DCAF1: variants seen among roughly 807,000 people sequenced by gnomAD.
DCAF1 encodes DDB1- and CUL4-associated factor 1.
A neutral mutation model predicts 128.0 loss-of-function variants in DCAF1; 15 were observed. The observed-to-expected ratio is 0.12, with a 90% CI of 0.08 to 0.18. The LOEUF (loss-of-function observed/expected upper bound fraction) is 0.18. DCAF1 is among the 10% of genes least tolerant of loss of function. The probability of loss-of-function intolerance (pLI) is 1.00; values close to 1 mark genes in which losing one functional copy is unlikely to be tolerated. For synonymous variants in DCAF1, 610 were observed against 603.0 expected (o/e 1.01, Z -0.17); for missense variants, 988 against 1,649.5 (o/e 0.60, Z 6.95).
intron 3 of DCAF1, 84 bp downstream of exon 3, chr3:51,483,635 G>GTT: frequency 1.2e-6 from 1 of 854,338 alleles, no homozygotes; most frequent in Non-Finnish European, 2.0e-6. Context: ...GTGTGTGTGT[G>GTT]TGTGTGTGTG....
intron 7 of DCAF1, among the ~76,000 whole-genome samples, chr3:51,442,903 T>C (rs1287590283): frequency 6.6e-6 from 1 of 152,056 alleles, no homozygotes; most frequent in Non-Finnish European, 1.5e-5. Flanking sequence ...AGGGGAACAA[T>C]ACACACTGGG....
intron 22 of DCAF1, among the ~76,000 whole-genome samples, 167 bp downstream of exon 22, chr3:51,412,826 T>C (rs1373893681): frequency 9.2e-5 from 14 of 152,218 alleles, no homozygotes; most frequent in Non-Finnish European, 2.9e-5. Context: ...TATTTCTCTT[T>C]GTACTGTACA....
chr3:51,486,223 C>T (rs1706943770), intron 2 of DCAF1, among the ~76,000 whole-genome samples: 1 of 143,422 alleles, frequency 7.0e-6, no homozygotes, highest in Non-Finnish European at 1.5e-5. Context: ...TTAAGGATCT[C>T]ACTCTGCCTC....
intron 23 of DCAF1, among the ~76,000 whole-genome samples, chr3:51,406,688 T>A (rs2090138573): frequency 6.6e-6 from 1 of 152,092 alleles, no homozygotes. Context: ...CCCCTCTACA[T>A]CTAAACCTGG....
chr3:51,494,744 G>A lies in DCAF1; in HGVS notation c.-9+1990C>T, dbSNP rs117808066. 2.3e-3 allele frequency among the ~76,000 whole-genome samples: 352 copies of A among 152,026 alleles called. 3 individuals are homozygous for A. The East Asian group carries it at 0.029, about 13-fold the overall frequency. ...TTTTTAATTTTTATTATTTTGTAGAGACAGGGTCTCACTATGTTACCCAGG... is the reference window on the plus strand; with the variant it reads ...TTTTTAATTTTTATTATTTTGTAGAAACAGGGTCTCACTATGTTACCCAGG... On this transcript the variant is annotated intron_variant, in intron 2 of 24. Coordinates refer to ENST00000684031, the MANE Select transcript of DCAF1 (RefSeq NM_001387579.1).
chr3:51,427,064 A>C (rs1180421483), intron 13 of DCAF1, among the ~76,000 whole-genome samples: 1 of 152,258 alleles, frequency 6.6e-6, no homozygotes, highest in Non-Finnish European at 1.5e-5. Flanking sequence ...CCTGGACTCC[A>C]GGCTCAAGAC....
intron 16 of DCAF1, among the ~76,000 whole-genome samples, chr3:51,418,464 G>GAAAATGAGAAGATGTC (rs1250336220): frequency 1.3e-5 from 2 of 152,154 alleles, no homozygotes; most frequent in African/African-American, 4.8e-5. Context: ...AGGGAGGGGG[G>GAAAATGAGAAGATGTC]AAAATGAGAA....
intron 6 of DCAF1, 110 bp from the exon 7 acceptor site, chr3:51,444,013 T>C (rs1388496851): frequency 5.0e-5 from 53 of 1,063,460 alleles, no homozygotes; most frequent in Non-Finnish European, 6.7e-5. Flanking sequence ...TCAATGTTCG[T>C]AAGAGTAAAA....
intron 9 of DCAF1, among the ~76,000 whole-genome samples, chr3:51,434,725 C>T (rs1243941790): frequency 2.0e-5 from 3 of 152,282 alleles, no homozygotes; most frequent in Non-Finnish European, 4.4e-5. Context: ...GAACTAACCA[C>T]GTGCATTTTA....
At chr3:51,439,620 A>G (rs1435474936) in intron 9 of DCAF1, among the ~76,000 whole-genome samples, 2 of 151,604 alleles carry the variant, frequency 1.3e-5, no homozygotes, top group African/African-American at 4.9e-5. Context: ...TCTGTCTGCT[A>G]TTTCATTACT....
At chr3:51,440,185 G>A (rs782026853) in intron 9 of DCAF1, 5 of 507,696 alleles carry the variant, frequency 9.8e-6, no homozygotes, top group East Asian at 1.2e-4. Context: ...GAGATAGTAA[G>A]CCTCCTCTCT....
intron 6 of DCAF1, among the ~76,000 whole-genome samples, chr3:51,454,943 G>C (rs1702744074): frequency 6.6e-6 from 1 of 152,170 alleles, no homozygotes; most frequent in Non-Finnish European, 1.5e-5. Context: ...AAAGTGCTGG[G>C]GTTACAGGTG....
At chr3:51,444,224 G>C (rs1346021234) in intron 6 of DCAF1, among the ~76,000 whole-genome samples, 1 of 151,950 alleles carries the variant, frequency 6.6e-6, no homozygotes, top group Admixed American at 6.6e-5. Context: ...ACTCCCAAAA[G>C]GCTCCATGAT....
At chr3:51,422,491 CAGAG>C (rs550026619) in intron 13 of DCAF1, 60 bp from the exon 14 acceptor site, 6 of 712,676 alleles carry the variant, frequency 8.4e-6, no homozygotes, top group Non-Finnish European at 1.6e-5. Flanking sequence ...TCAAGAGAGA[CAGAG>C]AGAGAGACAC....
rs1220786976 is a variant in DCAF1 at position 51,461,143 on chromosome 3, A to T, written c.375+1971T>A. The stretch of plus-strand genomic sequence containing the variant: ...ACAGGCAACCTACAGAATGGGAGAA[A>T]ATTTTTGCAACCTACTCATCTGACA... On this transcript the variant is annotated intron_variant, in intron 6 of 24. Coordinates refer to ENST00000684031, the MANE Select transcript of DCAF1 (RefSeq NM_001387579.1). 3.3e-5 allele frequency among the ~76,000 whole-genome samples: 5 copies of T among 151,550 alleles called. No homozygotes were observed. In the East Asian group the frequency reaches 5.8e-4, roughly 18 times the overall value.
At chr3:51,399,101 G>A (rs782231287) in intron 24 of DCAF1, among the ~76,000 whole-genome samples, 5 of 152,244 alleles carry the variant, frequency 3.3e-5, no homozygotes, top group African/African-American at 4.8e-5. Flanking sequence ...GGGATCAAGC[G>A]AGTGCCATCT....
chr3:51,494,276 G>A (rs1415500935), intron 2 of DCAF1, among the ~76,000 whole-genome samples: 3 of 151,686 alleles, frequency 2.0e-5, no homozygotes, highest in South Asian at 2.1e-4. Flanking sequence ...CACCACACCC[G>A]GCTACTTTTT....
At chr3:51,438,129 AT>A (rs781849007) in intron 9 of DCAF1, 1,471 of 388,644 alleles carry the variant, frequency 3.8e-3, no homozygotes, top group East Asian at 5.8e-3. Flanking sequence ...GTGGTTATGC[AT>A]TTTTTTTTAA....
intron 9 of DCAF1, among the ~76,000 whole-genome samples, chr3:51,433,968 G>C (rs1226981436): frequency 1.3e-5 from 2 of 151,490 alleles, no homozygotes; most frequent in Non-Finnish European, 2.9e-5. Flanking sequence ...TGTAATCCCA[G>C]CTACTTGGGA....
Sources: gnomAD v4.1 joint callset for allele counts (sites outside exome capture counted in the v4.1 genomes callset) on GRCh38, gnomAD v4.1.1 for gene constraint, MANE v1.5 for transcripts, NCBI Gene and HGNC (gene_info 2026-07-23, HGNC 2026-07-21) for gene names.